DENND4C: variants seen among roughly 807,000 people sequenced by gnomAD.
The protein encoded by DENND4C is DENN domain-containing protein 4C.
Under a neutral mutation model 203.0 loss-of-function variants are expected in DENND4C, and 108 were observed. The observed-to-expected ratio is 0.53, with a 90% confidence interval of 0.46 to 0.62. The LOEUF is 0.62. Ranked by LOEUF, DENND4C falls within the 20% of genes least tolerant of loss-of-function variation. The pLI is 0.00. For synonymous variants in DENND4C, 871 were observed against 792.4 expected, an observed-to-expected ratio of 1.10 and a Z score of -1.67; for missense variants, 2,481 against 2,301.2, an observed-to-expected ratio of 1.08 and a Z score of -1.60.
At chr9:19,268,906 G>T (rs568218566) in intron 1 of DENND4C, among the ~76,000 whole-genome samples, 7 of 152,168 alleles carry the variant, frequency 4.6e-5, no homozygotes, top group African/African-American at 1.7e-4. Flanking sequence ...TAAATGTCTG[G>T]AGGTAGTTTT....
chr9:19,272,214 G>C (rs188861330), intron 1 of DENND4C, among the ~76,000 whole-genome samples: 176 of 151,946 alleles, frequency 1.2e-3, no homozygotes, highest in Non-Finnish European at 1.8e-3. Context: ...GAGGTCGAGA[G>C]TTTGAGACCA....
chr9:19,307,782 A>AAT (rs1427314503), intron 10 of DENND4C, among the ~76,000 whole-genome samples: 81 of 151,368 alleles, frequency 5.4e-4, no homozygotes, highest in Non-Finnish European at 6.6e-4. Context: ...AAAAAAAAAA[A>AAT]AAAAGAAAAT....
chr9:19,277,847 T>C (rs1247371031), intron 2 of DENND4C, among the ~76,000 whole-genome samples: 1 of 152,216 alleles, frequency 6.6e-6, no homozygotes, highest in Non-Finnish European at 1.5e-5. Flanking sequence ...CCTAGTTTTC[T>C]GAGAGATTTT....
intron 24 of DENND4C, 32 bp downstream of exon 24, chr9:19,350,911 C>T: frequency 6.5e-7 from 1 of 1,546,570 alleles, no homozygotes; most frequent in Non-Finnish European, 8.7e-7. Flanking sequence ...TCTTCATTTG[C>T]TTTATAATAG....
At position 19,288,656 on chromosome 9, in the gene DENND4C, T is replaced by C. The variant is rs1453797985; in HGVS notation, c.619T>C (p.Tyr207His). ...TGTACCTGCTTCAAATGCAATAGCA[T>C]ATAAGGCTGGTAAGTGAGTTAAAAA... Reference protein sequence around the residue: ...KSVPASNAIAYKAGLIFRYPE... With the variant: ...KSVPASNAIAHKAGLIFRYPE... Residue 207 changes from tyrosine to histidine, a missense_variant, in exon 4 of 33, where the codon TAT (tyrosine) becomes CAT (histidine). Tyr to His is a moderately conservative substitution (Grantham distance 83, BLOSUM62 2). This residue lies in a region of DENND4C where 2,289 missense variants were observed against 2,113.3 expected (regional missense o/e 1.08). Coordinates refer to ENST00000434457, the MANE Select transcript of DENND4C (RefSeq NM_001330640.2). The C allele has an allele frequency of 8.1e-7, 1 of 1,231,584 alleles. No homozygotes were observed. Among genetic ancestry groups the C allele is most frequent in the Non-Finnish European group, 1.0e-6 (1 of 987,674 alleles). The allele number at this position is 1,231,584 out of a possible 1,614,324, so 76.3% of individuals were successfully genotyped here.
At chr9:19,341,192 A>G (rs1821547407) in intron 21 of DENND4C, 78 bp downstream of exon 21, 1 of 1,165,546 alleles carries the variant, frequency 8.6e-7, no homozygotes. Context: ...CTTAGTTGAT[A>G]GCTTTGATGA....
chr9:19,341,393 C>T (rs1286004880), intron 21 of DENND4C, among the ~76,000 whole-genome samples: 1 of 150,772 alleles, frequency 6.6e-6, no homozygotes, highest in Admixed American at 6.6e-5. Flanking sequence ...ATTACTGCAG[C>T]CCTATCTCCT....
intron 15 of DENND4C, among the ~76,000 whole-genome samples, chr9:19,326,757 ATGTG>A (rs997841360): frequency 1.3e-5 from 2 of 151,916 alleles, no homozygotes; most frequent in African/African-American, 4.8e-5. Context: ...TATCATGTGG[ATGTG>A]TGTGTGTATG....
intron 1 of DENND4C, among the ~76,000 whole-genome samples, chr9:19,256,469 A>T (rs930027942): frequency 6.6e-6 from 1 of 151,588 alleles, no homozygotes; most frequent in Non-Finnish European, 1.5e-5. Flanking sequence ...GGCATGCGCC[A>T]CCACACCCGG....
chr9:19,272,925 G>T (rs1277315967), intron 1 of DENND4C, among the ~76,000 whole-genome samples: 1 of 146,048 alleles, frequency 6.8e-6, no homozygotes, highest in Non-Finnish European at 1.5e-5. Context: ...ATGCCACTAC[G>T]CCTGGCTAAT....
intron 30 of DENND4C, among the ~76,000 whole-genome samples, chr9:19,366,616 T>G (rs1010126197): frequency 3.9e-5 from 6 of 152,004 alleles, no homozygotes; most frequent in African/African-American, 1.4e-4. Flanking sequence ...AAAAGAATAG[T>G]CTTTTCAACA....
At position 19,360,264 on chromosome 9, in the gene DENND4C, C is replaced by A. The variant is rs1211886310; in HGVS notation, c.5181C>A (p.Pro1727=). The A allele has an allele frequency of 2.5e-6, 4 of 1,612,528 alleles. No individual in the cohort carries two copies. The African/African-American group carries it at 5.4e-5, about 22-fold the overall frequency. The change falls in exon 29 of 33, where the codon CCC becomes CCA. Residue 1727 remains proline, a synonymous_variant. Transcript: ENST00000434457. ...QEVVDPLGKR[P]NPPPVSVPYL... ...TTAAGGATCCTTTAGGAAAAAGACC[C>A]AATCCTCCCCCTGTTTCTGTGCCCT...
intron 20 of DENND4C, among the ~76,000 whole-genome samples, chr9:19,339,903 T>A (rs1821239245): frequency 6.6e-6 from 1 of 152,204 alleles, no homozygotes; most frequent in African/African-American, 2.4e-5. Context: ...ACTCCTGTTT[T>A]ATTCATTGAA....
Position 19,331,973 on chromosome 9 carries a change from T to C in DENND4C, c.2254-5T>C. On this transcript the variant is annotated splice_region_variant and splice_polypyrimidine_tract_variant and intron_variant, in intron 16 of 32. Coordinates refer to ENST00000434457, the MANE Select transcript of DENND4C (RefSeq NM_001330640.2). ...AAATATCATAATATTTTATTCTCTT[T>C]CTAGGAAATAAAAACAGCTCATAAA... The C allele has an allele frequency of 1.2e-6, 2 of 1,609,570 alleles. No individual in the cohort carries two copies. Among genetic ancestry groups the C allele is most frequent in the Non-Finnish European group, 1.7e-6 (2 of 1,177,034 alleles).
At position 19,351,978 on chromosome 9, in the gene DENND4C, C is replaced by A. The variant is rs1824247954; in HGVS notation, c.4496-95C>A. ...GAGCCACTTGAAAAACAGTTGCAGA[C>A]TTTATTCTGTGTCCCCCCTAAATAC... On this transcript the variant is annotated intron_variant, in intron 24 of 32. Transcript: ENST00000434457. The A allele has an allele frequency of 3.1e-6, 3 of 974,622 alleles. No individual in the cohort carries two copies. In the East Asian group the frequency reaches 7.4e-5, roughly 24 times the overall value. The allele number at this position is 974,622 out of a possible 1,614,324, so 60.4% of individuals were successfully genotyped here.
rs1393723587 is a variant in DENND4C at position 19,328,826 on chromosome 9, A to T, written c.2253+664A>T. ...CACTTTGGGAGGCCGAGGCAGGTGG[A>T]TCACCTGAGGTCAGGAGTTCGAGAC... On this transcript the variant is annotated intron_variant, in intron 16 of 32. Coordinates refer to ENST00000434457, the MANE Select transcript of DENND4C (RefSeq NM_001330640.2). Among the ~76,000 whole-genome samples the T allele has an allele frequency of 3.9e-5, 6 of 152,068 alleles. No homozygotes were observed. The East Asian group carries it at 1.2e-3, about 30-fold the overall frequency.
intron 1 of DENND4C, among the ~76,000 whole-genome samples, chr9:19,243,511 C>G (rs1177630817): frequency 6.6e-6 from 1 of 152,172 alleles, no homozygotes; most frequent in African/African-American, 2.4e-5. Context: ...GTTAAGCAGT[C>G]TCTCCCCATT....
intron 20 of DENND4C, chr9:19,337,738 T>TC (rs1820800038): frequency 2.0e-6 from 2 of 991,416 alleles, no homozygotes; most frequent in African/African-American, 3.4e-5. Flanking sequence ...CCTTTCATTG[T>TC]ATTTTAAGTT....
intron 12 of DENND4C, among the ~76,000 whole-genome samples, chr9:19,319,765 TACTA>T (rs1842573436): frequency 1.3e-5 from 2 of 152,104 alleles, no homozygotes; most frequent in Admixed American, 6.6e-5. Context: ...AAAAATGTAA[TACTA>T]ACTATCTTAA....
Sources: gnomAD v4.1 joint callset for allele counts (sites outside exome capture counted in the v4.1 genomes callset) on GRCh38, gnomAD v4.1.1 for gene constraint, gnomAD v4.1.1 regional missense constraint, MANE v1.5 for transcripts, NCBI Gene and HGNC (gene_info 2026-07-23, HGNC 2026-07-21) for gene names.